Variants in MYLK4 observed in about 807,000 individuals in gnomAD.
MYLK4 encodes the protein caMLCK like.
MYLK4 carries 46 observed loss-of-function variants against 48.1 expected under a neutral mutation model. The observed-to-expected ratio is 0.96, with a 90% CI of 0.75 to 1.22. The LOEUF is 1.22. MYLK4 is among the 50% of genes most tolerant of loss of function. MYLK4 has a pLI of 0.00. For synonymous variants in MYLK4, 170 were observed against 180.8 expected, an observed-to-expected ratio of 0.94 and a Z score of 0.48; for missense variants, 451 against 486.1, an observed-to-expected ratio of 0.93 and a Z score of 0.68.
chr6:2,677,559 C>G (rs952417713), intron 10 of MYLK4, among the ~76,000 whole-genome samples: 4 of 152,202 alleles, frequency 2.6e-5, no homozygotes, highest in African/African-American at 9.7e-5. Flanking sequence ...AAATGCAAAT[C>G]CCTATATTTC....
At chr6:2,764,354 G>A in the MYLK4 span, among the ~76,000 whole-genome samples, 2 of 152,098 alleles carry the variant, frequency 1.3e-5, no homozygotes, top group South Asian at 2.1e-4. Context: ...AGGAGTTCAA[G>A]GCTGTGAGCT....
intron 2 of MYLK4, among the ~76,000 whole-genome samples, chr6:2,720,889 G>A (rs1239668612): frequency 7.2e-5 from 11 of 152,130 alleles, no homozygotes; most frequent in East Asian, 1.9e-4. Context: ...TGGGCTGGGC[G>A]TGGTGGCTCA....
chr6:2,698,084 C>T (rs542565394), intron 2 of MYLK4, among the ~76,000 whole-genome samples: 1 of 152,226 alleles, frequency 6.6e-6, no homozygotes, highest in South Asian at 2.1e-4. Context: ...TTTGGGATTA[C>T]AGTTGCTGCA....
At chr6:2,719,817 C>T (rs1019875838) in intron 2 of MYLK4, among the ~76,000 whole-genome samples, 6 of 152,176 alleles carry the variant, frequency 3.9e-5, no homozygotes, top group African/African-American at 1.4e-4. Context: ...TCAGAATTCA[C>T]ATCAACAAGC....
In MYLK4 at chr6:2,671,308, G is replaced by A. The variant is rs749020563; in HGVS notation, c.1160C>T (p.Thr387Ile). The A allele has an allele frequency of 6.2e-7, 1 of 1,613,996 alleles. No homozygotes were observed. Among genetic ancestry groups the A allele is most frequent in the Non-Finnish European group, 8.5e-7 (1 of 1,179,960 alleles). ...NRGSDAQDFV[T>I]K ...ATGGCTGCCTCCTGTAGACTATTTG[G>A]TCACAAAGTCCTGGGCATCAGAGCC... Residue 387 changes from threonine to isoleucine, a missense_variant, in exon 12 of 13, where the codon ACC becomes ATC. Physicochemically the swap from Thr to Ile is moderately conservative, Grantham distance 89. Transcript: ENST00000274643.
chr6:2,714,925 T>G (rs1006395534), intron 2 of MYLK4, among the ~76,000 whole-genome samples: 2 of 152,114 alleles, frequency 1.3e-5, no homozygotes, highest in African/African-American at 2.4e-5. Context: ...AGTAGAACAG[T>G]GGTTGCCAGG....
upstream of MYLK4, among the ~76,000 whole-genome samples, chr6:2,755,866 C>T (rs533680539): frequency 5.8e-4 from 89 of 152,262 alleles, no homozygotes; most frequent in South Asian, 1.7e-3. Flanking sequence ...CCAGGTTATA[C>T]CTGAGCATGA....
In MYLK4 at chr6:2,672,633, C is replaced by A. The variant is rs1216969139; in HGVS notation, c.1120-1285G>T. Among the ~76,000 whole-genome samples, 2 of 152,166 alleles carry A rather than the reference C, an allele frequency of 1.3e-5. No homozygotes were observed. The highest frequency in any genetic ancestry group is 4.8e-5 in the African/African-American group (2 of 41,446). ...CTGATTTTGTAGAACCAATATTAAT[C>A]TAAAAATAAGCCTTCTGGAAAACTT... is the stretch of plus-strand genomic sequence containing the variant. On this transcript the variant is annotated intron_variant, in intron 11 of 12. Transcript: ENST00000274643. The surrounding 1 kb of genome is among the most constrained non-coding windows in gnomAD (Gnocchi z 4.3).
intron 7 of MYLK4, chr6:2,680,542 A>G (rs1399383113): frequency 3.0e-6 from 3 of 985,322 alleles, no homozygotes; most frequent in Admixed American, 6.1e-5. Flanking sequence ...GCCTGAGTTC[A>G]GGCAGAGGCC....
intron 2 of MYLK4, among the ~76,000 whole-genome samples, chr6:2,745,838 T>C (rs1764067372): frequency 6.6e-6 from 1 of 150,560 alleles, no homozygotes; most frequent in South Asian, 2.1e-4. Flanking sequence ...GGCAGGAGAA[T>C]CACTTGAGCC....
chr6:2,746,579 G>C (rs1240703036), intron 2 of MYLK4, among the ~76,000 whole-genome samples: 1 of 152,154 alleles, frequency 6.6e-6, no homozygotes, highest in East Asian at 1.9e-4. Flanking sequence ...AAACTGCACT[G>C]CAAGCTTCCA....
At chr6:2,742,305 A>C (rs1763923402) in intron 2 of MYLK4, among the ~76,000 whole-genome samples, 1 of 152,186 alleles carries the variant, frequency 6.6e-6, no homozygotes, top group Non-Finnish European at 1.5e-5. Flanking sequence ...CAAGATGCCG[A>C]GTTGGTGGCT....
intron 10 of MYLK4, among the ~76,000 whole-genome samples, chr6:2,675,858 C>T (rs1022372504): frequency 8.6e-5 from 13 of 152,028 alleles, no homozygotes; most frequent in South Asian, 6.2e-4. Context: ...TTTGGGAGGC[C>T]GAGGCGGGTG....
At chr6:2,702,613 A>G (rs1455134863) in intron 2 of MYLK4, among the ~76,000 whole-genome samples, 1 of 152,204 alleles carries the variant, frequency 6.6e-6, no homozygotes, top group Non-Finnish European at 1.5e-5. Context: ...AACATACTGT[A>G]CATATTTAAA....
chr6:2,760,972 G>C, the MYLK4 span, among the ~76,000 whole-genome samples: 1 of 152,198 alleles, frequency 6.6e-6, no homozygotes, highest in Non-Finnish European at 1.5e-5. Flanking sequence ...TTAAGATGCT[G>C]ACTAAAGATG....
chr6:2,697,137 T>A (rs899438106), intron 2 of MYLK4, among the ~76,000 whole-genome samples: 2 of 152,250 alleles, frequency 1.3e-5, no homozygotes, highest in African/African-American at 2.4e-5. Context: ...AATAAATATA[T>A]CGCGGAGTGC....
At chr6:2,760,171 A>G in the MYLK4 span, among the ~76,000 whole-genome samples, 1 of 151,940 alleles carries the variant, frequency 6.6e-6, no homozygotes, top group African/African-American at 2.4e-5. Context: ...AAAAAGCAAT[A>G]CAGTATAATA....
chr6:2,745,495 T>C (rs73717421), intron 2 of MYLK4, among the ~76,000 whole-genome samples: 17,263 of 152,282 alleles, frequency 0.11, 1,051 homozygotes, highest in African/African-American at 0.14. Context: ...TGTTTAGATC[T>C]AGTTTATTAT....
rs1038936195 is a variant in MYLK4, at chr6:2,680,545, C to G, written c.688-254G>C. 6.1e-6 allele frequency: 6 copies of G among 985,408 alleles called. No individual in the cohort carries two copies. The African/African-American group carries it at 1.0e-4, about 17-fold the overall frequency. 61.0% of individuals were successfully genotyped at this position (985,408 alleles called of 1,614,324 possible). A position where few individuals can be genotyped will look rare whatever the true frequency, so the allele number is the denominator to read the frequency against. Reference sequence around the variant, plus strand: ...GTTCACCATAATGCCTGAGTTCAGGCAGAGGCCTTGAGGGGAGCAAGAAAA... The same window carrying G: ...GTTCACCATAATGCCTGAGTTCAGGGAGAGGCCTTGAGGGGAGCAAGAAAA... On this transcript the variant is annotated intron_variant, in intron 7 of 12. Transcript: ENST00000274643.
Sources: gnomAD v4.1 joint callset for allele counts (sites outside exome capture counted in the v4.1 genomes callset) on GRCh38, gnomAD v4.1.1 for gene constraint, Gnocchi (gnomAD v3.1) non-coding constraint, MANE v1.5 for transcripts, NCBI Gene and HGNC (gene_info 2026-07-23, HGNC 2026-07-21) for gene names.